The following CNGB3 variants were observed in gnomAD, a reference collection of about 807,000 sequenced individuals.
CNGB3 encodes the protein cyclic nucleotide-gated channel beta-3.
CNGB3 carries 86 observed loss-of-function variants against 92.8 expected under a neutral mutation model. The observed-to-expected ratio is 0.93, with a 90% CI of 0.78 to 1.11. The LOEUF (loss-of-function observed/expected upper bound fraction) is 1.11, where lower values mean the gene tolerates loss of function less well. CNGB3 is among the 50% of genes least tolerant of loss of function. The probability of loss-of-function intolerance (pLI) is 0.00; values close to 1 mark genes in which losing one functional copy is unlikely to be tolerated. For missense variants in CNGB3, 1,026 were observed against 956.8 expected (o/e 1.07, Z -0.95); for synonymous variants, 333 against 332.7 (o/e 1.00, Z -0.01).
intron 3 of CNGB3, among the ~76,000 whole-genome samples, chr8:86,723,370 A>AT (rs1230463784): frequency 2.6e-5 from 4 of 152,106 alleles, no homozygotes; most frequent in East Asian, 1.9e-4. Flanking sequence ...CAAATACTTA[A>AT]TTTTTTTCTA....
intron 3 of CNGB3, among the ~76,000 whole-genome samples, chr8:86,681,252 G>A (rs2131628000): frequency 6.6e-6 from 1 of 152,036 alleles, no homozygotes; most frequent in East Asian, 1.9e-4. Flanking sequence ...ATTGCGAAAG[G>A]GAATAGATAA....
chr8:86,738,822 C>T (rs1825290460), intron 2 of CNGB3, among the ~76,000 whole-genome samples: 1 of 126,932 alleles, frequency 7.9e-6, no homozygotes, highest in Admixed American at 9.3e-5. Flanking sequence ...GCCTGGGCGA[C>T]AGAGCGAGAC....
At chr8:86,595,498 G>C (rs1331881825) in intron 15 of CNGB3, among the ~76,000 whole-genome samples, 1 of 152,164 alleles carries the variant, frequency 6.6e-6, no homozygotes, top group East Asian at 1.9e-4. Context: ...AAGCAAAAAG[G>C]TGCTATACAA....
chr8:86,658,195 G>A, intron 6 of CNGB3: 1 of 556,312 alleles, frequency 1.8e-6, no homozygotes, highest in Admixed American at 2.3e-5. Flanking sequence ...CTGACAGCCT[G>A]ACAGCTCACC....
rs76628396 is a variant in CNGB3, at chr8:86,678,636, C to T, written c.339-7538G>A. Among the ~76,000 whole-genome samples, 427 of 152,236 alleles carry T rather than the reference C, an allele frequency of 2.8e-3. 5 individuals carry two copies. The highest frequency in any genetic ancestry group is 4.6e-3 in the Admixed American group (71 of 15,290). On this transcript the variant is annotated intron_variant, in intron 3 of 17. Coordinates refer to ENST00000320005, the MANE Select transcript of CNGB3 (RefSeq NM_019098.5). ...CATTTCTTTAGTTAATCTGGAAGTG[C>T]TGGAGGTATGTCTCTGTTGTTTATT...
chr8:86,684,228 A>G (rs1489059057), intron 3 of CNGB3, among the ~76,000 whole-genome samples: 3 of 152,166 alleles, frequency 2.0e-5, no homozygotes, highest in African/African-American at 7.2e-5. Context: ...GCAGATGGCA[A>G]ATAAGTAAAT....
chr8:86,624,323 G>C (rs1332082665), intron 13 of CNGB3, among the ~76,000 whole-genome samples: 3 of 152,160 alleles, frequency 2.0e-5, no homozygotes, highest in Admixed American at 6.5e-5. Context: ...GGAGGCTGAG[G>C]CAGGAGAATC....
At chr8:86,676,336 T>C (rs1823968201) in intron 3 of CNGB3, among the ~76,000 whole-genome samples, 1 of 152,050 alleles carries the variant, frequency 6.6e-6, no homozygotes, top group Non-Finnish European at 1.5e-5. Context: ...TTTGATAATA[T>C]AAAGGGAAGG....
At chr8:86,604,399 A>C (rs1356719254) in intron 14 of CNGB3, among the ~76,000 whole-genome samples, 188 bp from the exon 15 acceptor site, 2 of 152,236 alleles carry the variant, frequency 1.3e-5, no homozygotes, top group Non-Finnish European at 2.9e-5. Flanking sequence ...ATGTGAAAGA[A>C]AATGATTAGG....
At chr8:86,738,786 A>C (rs1376369821) in intron 2 of CNGB3, among the ~76,000 whole-genome samples, 2 of 148,084 alleles carry the variant, frequency 1.4e-5, no homozygotes, top group Non-Finnish European at 3.0e-5. Context: ...GCTTGCAGTG[A>C]GCCGAGATTA....
chr8:86,661,483 C>A, intron 6 of CNGB3: 1 of 612,044 alleles, frequency 1.6e-6, no homozygotes, highest in Non-Finnish European at 3.1e-6. Context: ...TTCATAAGTC[C>A]ATCTGAAACT....
rs537862301 is a variant in CNGB3, at chr8:86,644,078, G to GA, written c.1056-206dup. On this transcript the variant is annotated intron_variant, in intron 9 of 17. Coordinates refer to ENST00000320005, the MANE Select transcript of CNGB3 (RefSeq NM_019098.5). ...TTGACTGGGATTGACAGAGTGTAAA[G>GA]AAAAAAAAAAGAAAAAGAAAACTTC... Among the ~76,000 whole-genome samples, 634 of 143,210 alleles carry GA rather than the reference G, an allele frequency of 4.4e-3. 1 individual carries two copies. The highest frequency in any genetic ancestry group is 7.8e-3 in the Non-Finnish European group (504 of 64,730). 94.0% of individuals were successfully genotyped at this position (143,210 alleles called of 152,430 possible). A position where few individuals can be genotyped will look rare whatever the true frequency, so the allele number is the denominator to read the frequency against.
intron 1 of CNGB3, 27 bp downstream of exon 1, chr8:86,743,472 G>A: frequency 6.2e-7 from 1 of 1,613,446 alleles, no homozygotes; most frequent in Non-Finnish European, 8.5e-7. Flanking sequence ...GAAAATCAAG[G>A]CTTGCATAGG....
chr8:86,658,358 A>C (rs577417165), intron 6 of CNGB3: 1 of 452,778 alleles, frequency 2.2e-6, no homozygotes, highest in East Asian at 5.2e-5. Context: ...TGTCCAGTCC[A>C]TCTCCTTCCC....
At chr8:86,612,105 C>G (rs1056931921) in intron 13 of CNGB3, among the ~76,000 whole-genome samples, 1 of 152,032 alleles carries the variant, frequency 6.6e-6, no homozygotes, top group African/African-American at 2.4e-5. Context: ...AAACATGTTT[C>G]ACACCATTGT....
At chr8:86,628,667 A>G (rs899531976) in intron 12 of CNGB3, among the ~76,000 whole-genome samples, 2 of 152,108 alleles carry the variant, frequency 1.3e-5, no homozygotes, top group Non-Finnish European at 2.9e-5. Flanking sequence ...TATATGAGAC[A>G]ATGTGTGTAA....
chr8:86,661,547 C>T (rs1278384331), intron 6 of CNGB3: 4 of 704,202 alleles, frequency 5.7e-6, no homozygotes, highest in Non-Finnish European at 1.1e-5. Context: ...TTGAGTCTTC[C>T]TAATTTTCTC....
chr8:86,677,232 C>G (rs911324732), intron 3 of CNGB3, among the ~76,000 whole-genome samples: 1 of 152,182 alleles, frequency 6.6e-6, no homozygotes, highest in African/African-American at 2.4e-5. Context: ...TTTTAAGCCA[C>G]CCAGTTTGTG....
At chr8:86,645,527 T>G (rs536879494) in intron 8 of CNGB3, among the ~76,000 whole-genome samples, 1 of 151,402 alleles carries the variant, frequency 6.6e-6, no homozygotes, top group Admixed American at 6.6e-5. Flanking sequence ...CATGAGTTAA[T>G]ATATTTAATG....
Sources: gnomAD v4.1 joint callset for allele counts (sites outside exome capture counted in the v4.1 genomes callset) on GRCh38, gnomAD v4.1.1 for gene constraint, MANE v1.5 for transcripts, NCBI Gene and HGNC (gene_info 2026-07-23, HGNC 2026-07-21) for gene names.